Variants in CNMD observed in about 807,000 individuals in gnomAD.
CNMD encodes the protein chondromodulin, also known as leukocyte cell-derived chemotaxin 1.
In CNMD, 30 loss-of-function variants were observed where a neutral mutation model predicts 37.5. That is an observed-to-expected ratio of 0.80 (90% confidence interval 0.60 to 1.09). CNMD has a LOEUF of 1.09. CNMD is among the 50% of genes least tolerant of loss of function. The pLI is 0.00. For synonymous variants in CNMD, 167 were observed against 148.2 expected, an observed-to-expected ratio of 1.13 and a Z score of -0.92; for missense variants, 398 against 423.9, an observed-to-expected ratio of 0.94 and a Z score of 0.54.
At chr13:52,735,362 G>A (rs372678191) in intron 2 of CNMD, among the ~76,000 whole-genome samples, 14 of 74,400 alleles carry the variant, frequency 1.9e-4, no homozygotes, top group African/African-American at 6.3e-4. Context: ...ATGACAAGAG[G>A]TTCTGTGTTT....
intron 6 of CNMD, among the ~76,000 whole-genome samples, chr13:52,705,396 T>C (rs777810412): frequency 9.2e-5 from 14 of 152,212 alleles, no homozygotes; most frequent in African/African-American, 1.4e-4. Context: ...ACAACCCATA[T>C]TCAAGTTATG....
In CNMD at chr13:52,703,661, G is replaced by C; in HGVS notation, c.939C>G (p.Cys313Trp). The C allele has an allele frequency of 6.2e-7, 1 of 1,614,110 alleles. No individual in the cohort carries two copies. The highest frequency in any genetic ancestry group is 8.5e-7 in the Non-Finnish European group (1 of 1,179,964). Residue 313 changes from cysteine (C) to tryptophan (W), a missense_variant, in exon 7 of 7, where the codon TGC (cysteine) becomes TGG (tryptophan). Coordinates refer to ENST00000377962, the MANE Select transcript of CNMD (RefSeq NM_007015.3). Reference protein sequence around the residue: ...YYPWPYNYQGCRSACRVIMPC... With the variant: ...YYPWPYNYQGWRSACRVIMPC... ...GCATGATGACTCTGCAGGCCGAACGGCAGCCTTGATAATTATAAGGCCATG... is the reference window on the plus strand; with the variant it reads ...GCATGATGACTCTGCAGGCCGAACGCCAGCCTTGATAATTATAAGGCCATG...
chr13:52,707,707 CAAAAA>C (rs1964209065), intron 6 of CNMD, among the ~76,000 whole-genome samples: 1 of 151,846 alleles, frequency 6.6e-6, no homozygotes, highest in Non-Finnish European at 1.5e-5. Flanking sequence ...GCCTGTGACT[CAAAAA>C]AAGGAGAGCA....
At chr13:52,726,251 C>T (rs1007783905) in intron 3 of CNMD, among the ~76,000 whole-genome samples, 6 of 152,094 alleles carry the variant, frequency 3.9e-5, no homozygotes, top group Non-Finnish European at 8.8e-5. Context: ...TTAAAAGCTC[C>T]CCAGGTGTTT....
chr13:52,737,744 C>A (rs563863282), intron 2 of CNMD, among the ~76,000 whole-genome samples: 1 of 152,228 alleles, frequency 6.6e-6, no homozygotes, highest in Non-Finnish European at 1.5e-5. Flanking sequence ...CTAAACCCTG[C>A]TATTAATGGA....
At chr13:52,728,680 C>A (rs1964615285) in intron 3 of CNMD, among the ~76,000 whole-genome samples, 1 of 152,142 alleles carries the variant, frequency 6.6e-6, no homozygotes, top group Admixed American at 6.5e-5. Context: ...TCAAACACAT[C>A]CCCTGAATGT....
Position 52,739,686 on chromosome 13 carries a change from C to T in CNMD, c.16G>A (p.Asp6Asn), listed in dbSNP as rs745746771. 22 of 1,614,024 alleles carry T rather than the reference C, an allele frequency of 1.4e-5. No homozygotes were observed. The highest frequency in any genetic ancestry group is 1.9e-5 in the Non-Finnish European group (22 of 1,179,992). The part of the protein sequence containing the change: MTENS[D>N]KVPIALVGPD... ...CCCACCAGGGCAATGGGAACTTTGT[C>T]GGAGTTCTCTGTCATGTTTGCGGCG... The change falls in exon 1 of 7, where the codon GAC becomes AAC. Residue 6 changes from aspartate to asparagine, a missense_variant. Asp to Asn is a conservative substitution (Grantham distance 23). Transcript: ENST00000377962. This position sits in a 1 kb window ranked among gnomAD's most constrained non-coding sequence, Gnocchi z 5.4.
chr13:52,738,031 A>C (rs1487897022), intron 2 of CNMD, among the ~76,000 whole-genome samples: 5 of 152,240 alleles, frequency 3.3e-5, no homozygotes, highest in Non-Finnish European at 7.3e-5. Flanking sequence ...AAAATGGTTG[A>C]ATTGCTTTCA....
At chr13:52,704,100 T>C (rs1332666869) in intron 6 of CNMD, among the ~76,000 whole-genome samples, 1 of 152,234 alleles carries the variant, frequency 6.6e-6, no homozygotes, top group Non-Finnish European at 1.5e-5. Context: ...GAACTATGGT[T>C]ACCACTTAGT....
Position 52,739,276 on chromosome 13 carries a change from G to C in CNMD, c.73-105C>G, listed in dbSNP as rs1195122959. The C allele has an allele frequency of 7.6e-7, 1 of 1,322,968 alleles. No individual in the cohort carries two copies. The highest frequency in any genetic ancestry group is 9.9e-7 in the Non-Finnish European group (1 of 1,010,862). 82.0% of individuals were successfully genotyped at this position (1,322,968 alleles called of 1,614,324 possible). ...GGTAGCCCCCAGGGAGTGGGGAGTC[G>C]GGCGGGAAACAGCTCGCCCGGGCTC... On this transcript the variant is annotated intron_variant, in intron 1 of 6. Transcript: ENST00000377962. This position sits in a 1 kb window ranked among gnomAD's most constrained non-coding sequence, Gnocchi z 5.4.
At chr13:52,723,500 C>T (rs1218111648) in intron 4 of CNMD, among the ~76,000 whole-genome samples, 3 of 152,300 alleles carry the variant, frequency 2.0e-5, no homozygotes, top group East Asian at 3.9e-4. Context: ...CTTCCCAAAA[C>T]GTTTAAATAT....
In CNMD at chr13:52,712,883, C is replaced by T. The variant is rs375786315; in HGVS notation, c.469-14G>A. On this transcript the variant is annotated splice_polypyrimidine_tract_variant and intron_variant, in intron 4 of 6. Transcript: ENST00000377962. ...GATCTTGCCTTCCTGAAAGTAAAAA[C>T]GATTGCATTTGAGCAAAGAGGACAG... The T allele has an allele frequency of 2.1e-5, 32 of 1,536,350 alleles. No homozygotes were observed. Among genetic ancestry groups the T allele is most frequent in the Non-Finnish European group, 2.7e-5 (31 of 1,144,014 alleles).
chr13:52,705,424 A>T (rs1195762512), intron 6 of CNMD, among the ~76,000 whole-genome samples: 1 of 152,222 alleles, frequency 6.6e-6, no homozygotes, highest in African/African-American at 2.4e-5. Flanking sequence ...AATATTTATT[A>T]TCTTACTCTT....
chr13:52,739,584 C>A lies in CNMD; in HGVS notation c.72+46G>T, dbSNP rs372962302. Reference sequence around the variant, plus strand: ...TGAGTCCGAACTGTGGAACCTGATACTCACACAACCCAGGCCCTGCGTGTG... The same window carrying A: ...TGAGTCCGAACTGTGGAACCTGATAATCACACAACCCAGGCCCTGCGTGTG... On this transcript the variant is annotated intron_variant, in intron 1 of 6. Coordinates refer to ENST00000377962, the MANE Select transcript of CNMD (RefSeq NM_007015.3). The surrounding 1 kb of genome is among the most constrained non-coding windows in gnomAD (Gnocchi z 5.4). 1.3e-6 allele frequency: 2 copies of A among 1,545,926 alleles called. No homozygotes were observed. Among genetic ancestry groups the A allele is most frequent in the Admixed American group, 3.3e-5 (2 of 59,828 alleles).
chr13:52,708,185 CTATTT>C (rs1200389782), intron 6 of CNMD, among the ~76,000 whole-genome samples: 1 of 14,976 alleles, frequency 6.7e-5, no homozygotes, highest in African/African-American at 2.6e-4. Context: ...CATTTCAACA[CTATTT>C]TTTTTTTTTG....
intron 5 of CNMD, among the ~76,000 whole-genome samples, chr13:52,710,179 AG>A (rs1964269315): frequency 6.6e-6 from 1 of 152,220 alleles, no homozygotes; most frequent in African/African-American, 2.4e-5. Context: ...TTTGTTATTT[AG>A]GAGAACTAAG....
rs528216845 is a variant in CNMD, at chr13:52,717,108, A to T, written c.469-4239T>A. 1.5e-4 allele frequency among the ~76,000 whole-genome samples: 23 copies of T among 152,200 alleles called. No individual in the cohort carries two copies. In the South Asian group the frequency reaches 4.8e-3, roughly 32 times the overall value. ...CCTAGTATTTTATTCTCTTTTAGCA[A>T]CTGTGAATGAGAGTTCCCTCATGAT... On this transcript the variant is annotated intron_variant, in intron 4 of 6. Coordinates refer to ENST00000377962, the MANE Select transcript of CNMD (RefSeq NM_007015.3).
In CNMD at chr13:52,739,817, G is replaced by T. The variant is rs550279911; in HGVS notation, c.-116C>A. ...GCGCGCACACACGGTGCACGGTCCCGCCTGGGCCAGCCCAGCGGTCCCCAC... is the reference window on the plus strand; with the variant it reads ...GCGCGCACACACGGTGCACGGTCCCTCCTGGGCCAGCCCAGCGGTCCCCAC... On this transcript the variant is annotated 5_prime_UTR_variant, in exon 1 of 7. Coordinates refer to ENST00000377962, the MANE Select transcript of CNMD (RefSeq NM_007015.3). This position sits in a 1 kb window ranked among gnomAD's most constrained non-coding sequence, Gnocchi z 5.4. 207 of 815,004 alleles carry T rather than the reference G, an allele frequency of 2.5e-4. No homozygotes were observed. Among genetic ancestry groups the T allele is most frequent in the Middle Eastern group, 5.8e-4 (2 of 3,432 alleles). 50.5% of individuals were successfully genotyped at this position (815,004 alleles called of 1,614,324 possible).
chr13:52,728,526 C>T lies in CNMD; in HGVS notation c.355-4416G>A, dbSNP rs148750793. Among the ~76,000 whole-genome samples, 31 of 152,262 alleles carry T rather than the reference C, an allele frequency of 2.0e-4. No individual in the cohort carries two copies. The East Asian group carries it at 5.8e-3, about 29-fold the overall frequency. On this transcript the variant is annotated intron_variant, in intron 3 of 6. Transcript: ENST00000377962. ...TGCTCCACTGGCAGCCTGAGGAATA[C>T]ACGTGGAGAATAACTGCTTTCTCTT...
Sources: gnomAD v4.1 joint callset for allele counts (sites outside exome capture counted in the v4.1 genomes callset) on GRCh38, gnomAD v4.1.1 for gene constraint, Gnocchi (gnomAD v3.1) non-coding constraint, MANE v1.5 for transcripts, NCBI Gene and HGNC (gene_info 2026-07-23, HGNC 2026-07-21) for gene names.